The following ARHGEF11 variants were observed in gnomAD, a reference collection of about 807,000 sequenced individuals.
ARHGEF11 encodes Rho guanine exchange factor (GEF) 11.
In ARHGEF11, 55 loss-of-function variants were observed where a neutral mutation model predicts 193.7. That is an observed-to-expected ratio of 0.28 (90% confidence interval 0.23 to 0.36). The LOEUF is 0.36. ARHGEF11 is among the 10% of genes least tolerant of loss of function. ARHGEF11 has a pLI of 1.00. For synonymous variants in ARHGEF11, 693 were observed against 768.0 expected, an observed-to-expected ratio of 0.90 and a Z score of 1.62; for missense variants, 1,723 against 2,005.6, an observed-to-expected ratio of 0.86 and a Z score of 2.69.
chr1:156,969,440 A>C, intron 9 of ARHGEF11, 82 bp from the exon 10 acceptor site: 2 of 1,356,212 alleles, frequency 1.5e-6, no homozygotes, highest in East Asian at 5.0e-5. Flanking sequence ...ACCTGTGTGC[A>C]GGGCAGGAAG....
At chr1:156,997,710 C>T (rs1666719563) in intron 1 of ARHGEF11, among the ~76,000 whole-genome samples, 1 of 151,180 alleles carries the variant, frequency 6.6e-6, no homozygotes, top group Admixed American at 6.6e-5. Flanking sequence ...AATTGAAATA[C>T]ACTGTATAAA....
intron 1 of ARHGEF11, among the ~76,000 whole-genome samples, chr1:157,043,343 C>G (rs548300057): frequency 7.7e-4 from 117 of 152,276 alleles, no homozygotes; most frequent in African/African-American, 2.6e-3. Flanking sequence ...ACACCCCCCA[C>G]AGCAAGGTTC....
At chr1:156,943,355 C>T (rs1657476345) in intron 32 of ARHGEF11, among the ~76,000 whole-genome samples, 1 of 152,192 alleles carries the variant, frequency 6.6e-6, no homozygotes, top group Non-Finnish European at 1.5e-5. Context: ...GCCACAGTGC[C>T]TGGTCAAGGG....
intron 1 of ARHGEF11, among the ~76,000 whole-genome samples, chr1:157,044,001 TGGACTCAA>T (rs902990056): frequency 3.3e-5 from 5 of 152,082 alleles, no homozygotes; most frequent in African/African-American, 1.2e-4. Flanking sequence ...GCAAGTTGGG[TGGACTCAA>T]ATTCAGCCTC....
At chr1:156,940,921 C>G (rs114997688) in intron 35 of ARHGEF11, among the ~76,000 whole-genome samples, 1 of 152,178 alleles carries the variant, frequency 6.6e-6, no homozygotes, top group Admixed American at 6.5e-5. Flanking sequence ...TTATTTCTCA[C>G]GCAAGCTCTC....
intron 15 of ARHGEF11, among the ~76,000 whole-genome samples, chr1:156,959,924 A>ACCC (rs752001490): frequency 6.7e-4 from 52 of 77,072 alleles, no homozygotes; most frequent in African/African-American, 1.0e-3. Flanking sequence ...AACAAAAATA[A>ACCC]CCCCCCCTCC....
rs548296599 is a variant in ARHGEF11, at chr1:156,940,219, C to T, written c.3721G>A (p.Ala1241Thr). ...PLFMEGLADS[A>T]LEDVENLRHL... ...TTGAAGCACTCACCATCTTCCAGAG[C>T]GGAGTCAGCGAGCCCTTCCATGAAC... The change falls in exon 36 of 41, where the codon GCT becomes ACT. Residue 1241 changes from alanine (A) to threonine (T), a missense_variant. Ala to Thr is a moderately conservative substitution (Grantham distance 58, BLOSUM62 0). This residue lies in a region of ARHGEF11 where 203 missense variants were observed against 237.3 expected (regional missense o/e 0.86). Transcript: ENST00000368194. The T allele has an allele frequency of 4.6e-5, 73 of 1,584,586 alleles. 1 individual carries two copies. In the South Asian group the frequency reaches 7.9e-4, roughly 17 times the overall value.
intron 1 of ARHGEF11, among the ~76,000 whole-genome samples, chr1:157,036,202 T>TATATGA (rs1557992058): frequency 1.4e-5 from 2 of 138,266 alleles, no homozygotes; most frequent in African/African-American, 2.9e-5. Flanking sequence ...TATGAATATA[T>TATATGA]ATACATATAT....
chr1:157,037,370 A>C (rs1672171868), intron 1 of ARHGEF11, among the ~76,000 whole-genome samples: 1 of 152,166 alleles, frequency 6.6e-6, no homozygotes, highest in South Asian at 2.1e-4. Context: ...TTATCACCAT[A>C]TAATACATAA....
intron 6 of ARHGEF11, 141 bp downstream of exon 6, chr1:156,978,063 A>G: frequency 1.5e-6 from 2 of 1,334,170 alleles, no homozygotes; most frequent in Admixed American, 2.6e-5. Flanking sequence ...TTTTTGTTCA[A>G]CTCTTTCAAT....
At chr1:157,043,230 T>C (rs990029084) in intron 1 of ARHGEF11, among the ~76,000 whole-genome samples, 6 of 152,190 alleles carry the variant, frequency 3.9e-5, no homozygotes, top group Non-Finnish European at 8.8e-5. Context: ...TTCTTCCCTA[T>C]CTCTCCAATA....
intron 1 of ARHGEF11, among the ~76,000 whole-genome samples, chr1:157,003,915 G>A (rs897470390): frequency 1.3e-5 from 2 of 152,166 alleles, no homozygotes; most frequent in Non-Finnish European, 2.9e-5. Flanking sequence ...TTAGCACAGG[G>A]CACACATTAA....
At chr1:156,951,470 A>T in intron 22 of ARHGEF11, 103 bp downstream of exon 22, 2 of 1,490,688 alleles carry the variant, frequency 1.3e-6, no homozygotes, top group Non-Finnish European at 1.8e-6. Context: ...GAGCCTTAGA[A>T]GCTAGTGGAG....
In ARHGEF11 at chr1:156,970,014, G is replaced by A. The variant is rs766530232; in HGVS notation, c.732C>T (p.Ser244=). The A allele has an allele frequency of 3.1e-6, 5 of 1,613,888 alleles. No homozygotes were observed. Among genetic ancestry groups the A allele is most frequent in the Non-Finnish European group, 4.2e-6 (5 of 1,179,912 alleles). ...VDILPLYGDT[S]QRPSEGRLSL... ...GGGACTTACCTTCTGATGGTCTCTG[G>A]CTGGTGTCACCATATAGTGGAAGTA... The change falls in exon 9 of 41, where the codon AGC becomes AGT. Residue 244 remains serine (S), a synonymous_variant. Transcript: ENST00000368194.
intron 11 of ARHGEF11, chr1:156,963,864 C>T (rs1263951580): frequency 1.4e-5 from 14 of 981,650 alleles, no homozygotes; most frequent in African/African-American, 3.3e-5. Flanking sequence ...AAAATGCTCT[C>T]TTCCTGTTTG....
At chr1:157,040,529 C>G (rs1057319807) in intron 1 of ARHGEF11, among the ~76,000 whole-genome samples, 3 of 152,218 alleles carry the variant, frequency 2.0e-5, no homozygotes, top group African/African-American at 7.2e-5. Flanking sequence ...TAGATGAAGT[C>G]TCTCTCATTC....
chr1:156,937,577 G>A, intron 38 of ARHGEF11, 81 bp from the exon 39 acceptor site: 2 of 1,440,372 alleles, frequency 1.4e-6, no homozygotes. Flanking sequence ...GGATTCCCCA[G>A]CCACCTGACA....
intron 11 of ARHGEF11, 87 bp downstream of exon 11, chr1:156,967,900 A>C (rs1661918986): frequency 1.3e-6 from 2 of 1,594,718 alleles, no homozygotes; most frequent in African/African-American, 2.7e-5. Context: ...TAGTCTGATG[A>C]TCCAAGACGA....
intron 10 of ARHGEF11, among the ~76,000 whole-genome samples, chr1:156,968,711 ACTT>A (rs1662082368): frequency 6.6e-6 from 1 of 152,202 alleles, no homozygotes; most frequent in African/African-American, 2.4e-5. Context: ...CTTCATTACT[ACTT>A]CTTCCATTCA....
Sources: gnomAD v4.1 joint callset for allele counts (sites outside exome capture counted in the v4.1 genomes callset) on GRCh38, gnomAD v4.1.1 for gene constraint, gnomAD v4.1.1 regional missense constraint, MANE v1.5 for transcripts, NCBI Gene and HGNC (gene_info 2026-07-23, HGNC 2026-07-21) for gene names.